Variants in ASB17 observed in about 807,000 individuals in gnomAD.
The protein encoded by ASB17 is ankyrin repeat and SOCS box protein 17.
In ASB17, 26 loss-of-function variants were observed where a neutral mutation model predicts 25.7. The ratio of observed to expected loss-of-function variants is 1.01; its 90% CI spans 0.74 to 1.40. The LOEUF (loss-of-function observed/expected upper bound fraction) is 1.40. Ranked by LOEUF, ASB17 falls within the 40% of genes most tolerant of loss-of-function variation. The probability of loss-of-function intolerance (pLI) is 0.00; values close to 1 mark genes in which losing one functional copy is unlikely to be tolerated. For synonymous variants in ASB17, 128 were observed against 121.4 expected (o/e 1.05, Z -0.36); for missense variants, 326 against 338.5 (o/e 0.96, Z 0.29).
chr1:75,929,105 A>G (rs2100615278), intron 1 of ASB17, among the ~76,000 whole-genome samples: 1 of 152,374 alleles, frequency 6.6e-6, no homozygotes, highest in African/African-American at 2.4e-5. Flanking sequence ...TTCAAGAAAC[A>G]GAAAGGTCTT....
intron 1 of ASB17, 84 bp from the exon 2 acceptor site, chr1:75,922,443 T>G: frequency 1.2e-6 from 1 of 869,496 alleles, no homozygotes; most frequent in Non-Finnish European, 1.6e-6. Context: ...AATGGGAAAA[T>G]AATAGTTTAA....
intron 1 of ASB17, among the ~76,000 whole-genome samples, chr1:75,929,815 G>A (rs1020482831): frequency 6.6e-6 from 1 of 152,062 alleles, no homozygotes. Flanking sequence ...AAATGATTGG[G>A]ATATGTTTTG....
At chr1:75,919,197 G>A (rs936829686) in intron 2 of ASB17, 39 bp from the exon 3 acceptor site, 2 of 1,434,406 alleles carry the variant, frequency 1.4e-6, no homozygotes, top group Non-Finnish European at 9.6e-7. Flanking sequence ...GTAATGTTTT[G>A]TAATTTGGAT....
rs1220852151 is a variant in ASB17, at chr1:75,931,933, TCTTTTGTCTTCTTGAGAAGC to T, written c.339_358del (p.Leu115CysfsTer7). 1.2e-6 allele frequency: 2 copies of T among 1,612,788 alleles called. No homozygotes were observed. The highest frequency in any genetic ancestry group is 1.7e-6 in the Non-Finnish European group (2 of 1,179,528). On this transcript the variant is annotated frameshift_variant, in exon 1 of 3. Coordinates refer to ENST00000284142, the MANE Select transcript of ASB17 (RefSeq NM_080868.3). LOFTEE classifies it high-confidence loss of function. Reference sequence around the variant, plus strand: ...GTTACAACTTCTGTCTTGAACATAGTCTTTTGTCTTCTTGAGAAGCAATTCCACAAAGTCAGGATTACCTT... The same window carrying T: ...GTTACAACTTCTGTCTTGAACATAGTAATTCCACAAAGTCAGGATTACCTT...
At chr1:75,923,579 G>A (rs151023133) in intron 1 of ASB17, among the ~76,000 whole-genome samples, 183 of 152,158 alleles carry the variant, frequency 1.2e-3, no homozygotes, top group African/African-American at 4.2e-3. Flanking sequence ...TTTTGTCTGT[G>A]GAATTCTCTT....
In ASB17 at chr1:75,932,155, C is replaced by T; in HGVS notation, c.137G>A (p.Arg46Lys). 6.2e-7 allele frequency: 1 copy of T among 1,614,088 alleles called. No individual in the cohort carries two copies. The highest frequency in any genetic ancestry group is 8.5e-7 in the Non-Finnish European group (1 of 1,179,994). Residue 46 changes from arginine to lysine, a missense_variant, in exon 1 of 3, where the codon AGG (arginine) becomes AAG (lysine). By Grantham distance (26) the Arg-to-Lys change is conservative. Coordinates refer to ENST00000284142, the MANE Select transcript of ASB17 (RefSeq NM_080868.3). ...GQWGYHCYEPRIYRSLAKILR... is the reference protein window; with the variant it reads ...GQWGYHCYEPKIYRSLAKILR... ...AATTTTTGCCAGTGATCTGTAAATC[C>T]TTGGTTCGTAACAGTGATATCCCCA...
chr1:75,919,839 A>G (rs1557540520), intron 2 of ASB17, among the ~76,000 whole-genome samples: 1 of 152,210 alleles, frequency 6.6e-6, no homozygotes, highest in Non-Finnish European at 1.5e-5. Flanking sequence ...TAGTGCTGCA[A>G]TAAACATATG....
chr1:75,929,381 C>A (rs896380501), intron 1 of ASB17, among the ~76,000 whole-genome samples: 1 of 135,622 alleles, frequency 7.4e-6, no homozygotes, highest in Admixed American at 7.6e-5. Context: ...CCCGCCACTG[C>A]GCCCAGCTAA....
intron 1 of ASB17, among the ~76,000 whole-genome samples, chr1:75,930,551 A>G (rs1653297869): frequency 6.6e-6 from 1 of 151,936 alleles, no homozygotes; most frequent in Admixed American, 6.6e-5. Context: ...AAATTCTATG[A>G]TTCTGAGAGG....
rs755393836 is a variant in ASB17, at chr1:75,922,088, C to T, written c.673G>A (p.Glu225Lys). 6.2e-7 allele frequency: 1 copy of T among 1,603,352 alleles called. No homozygotes were observed. Among genetic ancestry groups the T allele is most frequent in the Non-Finnish European group, 8.5e-7 (1 of 1,173,362 alleles). ...TAAAGTAGTTTTCTTACCTTTATTTCCTTGACTGAAATGACAGAAAGCACT... is the reference window on the plus strand; with the variant it reads ...TAAAGTAGTTTTCTTACCTTTATTTTCTTGACTGAAATGACAGAAAGCACT... ...SRVLSVISVK[E>K]IKTQLSLGRH... Residue 225 changes from glutamate (E) to lysine (K), a missense_variant, in exon 2 of 3, where the codon GAA becomes AAA. Transcript: ENST00000284142.
At chr1:75,924,820 A>C (rs1019106586) in intron 1 of ASB17, among the ~76,000 whole-genome samples, 1 of 151,178 alleles carries the variant, frequency 6.6e-6, no homozygotes, top group South Asian at 2.1e-4. Flanking sequence ...TTTTTTTTTC[A>C]ATTCTGCAAT....
rs11808893 is a variant in ASB17, at chr1:75,922,901, A to T, written c.402-542T>A. ...TAAACCCCATTTACATTGTAAAAAT[A>T]AAAAAAAACAATTTATAATATATGT... On this transcript the variant is annotated intron_variant, in intron 1 of 2. Transcript: ENST00000284142. 6.8e-3 allele frequency among the ~76,000 whole-genome samples: 1,039 copies of T among 152,304 alleles called. 15 individuals carry two copies. Among genetic ancestry groups the T allele is most frequent in the African/African-American group, 0.024 (987 of 41,546 alleles).
chr1:75,929,078 G>A (rs1376945665), intron 1 of ASB17, among the ~76,000 whole-genome samples: 2 of 152,142 alleles, frequency 1.3e-5, no homozygotes, highest in Non-Finnish European at 2.9e-5. Flanking sequence ...CTTATGGCAG[G>A]AATGAACTTG....
chr1:75,922,324 C>G lies in ASB17; in HGVS notation c.437G>C (p.Ser146Thr). Residue 146 changes from serine (S) to threonine (T), a missense_variant, in exon 2 of 3, where the codon AGT becomes ACT. Transcript: ENST00000284142. ...FTPVYCPSPL[S>T]GITPLFYVAQ... is the part of the protein sequence containing the mutation. ...TACATAAAAGAGAGGTGTGATGCCACTTAATGGGCTTGGACAGTATACTGG... is the reference window on the plus strand; with the variant it reads ...TACATAAAAGAGAGGTGTGATGCCAGTTAATGGGCTTGGACAGTATACTGG... 1.2e-6 allele frequency: 2 copies of G among 1,613,098 alleles called. No homozygotes were observed. Among genetic ancestry groups the G allele is most frequent in the Non-Finnish European group, 1.7e-6 (2 of 1,179,810 alleles).
intron 1 of ASB17, among the ~76,000 whole-genome samples, chr1:75,923,934 T>C (rs1653099882): frequency 6.6e-6 from 1 of 152,160 alleles, no homozygotes; most frequent in South Asian, 2.1e-4. Flanking sequence ...AGATAAAAGA[T>C]ATAGTTCTTG....
chr1:75,922,246 A>G lies in ASB17; in HGVS notation c.515T>C (p.Leu172Ser), dbSNP rs1006157087. 1 of 1,613,528 alleles carries G rather than the reference A, an allele frequency of 6.2e-7. No homozygotes were observed. Residue 172 changes from leucine (L) to serine (S), a missense_variant, in exon 2 of 3, where the codon TTA becomes TCA. Physicochemically the swap from Leu to Ser is moderately radical, Grantham distance 145. Transcript: ENST00000284142. ...GTTGATAGGGTTTTTTTCTCTTTCT[A>G]AGATTCCATATTGCAGTAGTATTTT... ...IFKILLQYGI[L>S]EREKNPINIV...
rs1392932466 is a variant in ASB17, at chr1:75,922,267, A to G, written c.494T>C (p.Ile165Thr). ...AQTRQSNIFK[I>T]LLQYGILERE... ...TTCTAAGATTCCATATTGCAGTAGT[A>G]TTTTGAAGATATTAGACTGTCTTGT... Residue 165 changes from isoleucine to threonine, a missense_variant, in exon 2 of 3, where the codon ATA becomes ACA. Transcript: ENST00000284142. 8 of 1,613,156 alleles carry G rather than the reference A, an allele frequency of 5.0e-6. 1 individual carries two copies. The South Asian group carries it at 7.7e-5, about 16-fold the overall frequency.
chr1:75,921,264 T>C (rs2100608120), intron 2 of ASB17, among the ~76,000 whole-genome samples: 1 of 152,332 alleles, frequency 6.6e-6, no homozygotes, highest in South Asian at 2.1e-4. Flanking sequence ...TTGCTTTGCT[T>C]ATAGTTGGCT....
intron 1 of ASB17, among the ~76,000 whole-genome samples, chr1:75,927,462 A>G (rs17097707): frequency 0.053 from 8,133 of 152,150 alleles, 371 homozygotes; most frequent in African/African-American, 0.12. Context: ...TCCCACTGCT[A>G]CTGTTTTAGT....
Sources: allele counts gnomAD v4.1 joint callset (sites outside exome capture counted in the v4.1 genomes callset), GRCh38; gene constraint gnomAD v4.1.1; transcripts MANE v1.5; gene names NCBI Gene and HGNC (gene_info 2026-07-23, HGNC 2026-07-21).